TMEM132B: variants seen among roughly 807,000 people sequenced by gnomAD.
TMEM132B encodes transmembrane protein 132B.
A neutral mutation model predicts 90.8 loss-of-function variants in TMEM132B; 18 were observed. That is an observed-to-expected ratio of 0.20 (90% CI 0.14 to 0.29). TMEM132B has a LOEUF of 0.29. Among genes scored for constraint, TMEM132B ranks in the 10% least tolerant of loss-of-function variants. TMEM132B has a pLI of 1.00. For missense variants in TMEM132B, 1,096 were observed against 1,326.8 expected, an observed-to-expected ratio of 0.83 and a Z score of 2.70; for synonymous variants, 504 against 523.3, an observed-to-expected ratio of 0.96 and a Z score of 0.50.
chr12:125,380,075 A>G (rs566278197), intron 2 of TMEM132B, among the ~76,000 whole-genome samples: 2 of 152,238 alleles, frequency 1.3e-5, no homozygotes, highest in African/African-American at 2.4e-5. Flanking sequence ...ACAAATTGCC[A>G]CAAACTTGAT....
Position 125,458,124 on chromosome 12 carries a change from G to A in TMEM132B, c.1106+42447G>A, listed in dbSNP as rs1023276375. Among the ~76,000 whole-genome samples the A allele has an allele frequency of 6.6e-6, 1 of 152,042 alleles. No homozygotes were observed. Among genetic ancestry groups the A allele is most frequent in the East Asian group, 1.9e-4 (1 of 5,170 alleles). On this transcript the variant is annotated intron_variant, in intron 3 of 8. Transcript: ENST00000682704. This position sits in a 1 kb window ranked among gnomAD's most constrained non-coding sequence, Gnocchi z 4.9. ...GAAGGCAGATTCCAGAGACAGGTCTGGCTAGAACCAGCAGGACTCAGGGAC... is the reference window on the plus strand; with the variant it reads ...GAAGGCAGATTCCAGAGACAGGTCTAGCTAGAACCAGCAGGACTCAGGGAC...
chr12:125,635,760 A>G (rs1307483505), intron 5 of TMEM132B, among the ~76,000 whole-genome samples: 5 of 152,218 alleles, frequency 3.3e-5, no homozygotes, highest in Admixed American at 3.3e-4. Flanking sequence ...TCCCACCAAC[A>G]GTGTAAAAGC....
intron 3 of TMEM132B, among the ~76,000 whole-genome samples, chr12:125,470,951 G>A (rs557919190): frequency 4.6e-5 from 7 of 152,362 alleles, no homozygotes; most frequent in East Asian, 1.9e-4. Flanking sequence ...CGGCTGCACC[G>A]AAATTACCTC....
intron 4 of TMEM132B, among the ~76,000 whole-genome samples, chr12:125,524,318 G>A (rs2136673717): frequency 6.6e-6 from 1 of 152,294 alleles, no homozygotes; most frequent in African/African-American, 2.4e-5. Context: ...CTGGCGTGTG[G>A]GATTAACAAT....
rs1325388781 is a variant in TMEM132B, at chr12:125,349,334, G to T, written c.68-118G>T. ...CAGGGCTTTCACTGTGATGAGACCT[G>T]GGGGAGAAACAGTGGCCAGTGGGCG... On this transcript the variant is annotated intron_variant, in intron 1 of 8. Transcript: ENST00000682704. The surrounding 1 kb of genome is among the most constrained non-coding windows in gnomAD (Gnocchi z 4.1). 1 of 1,108,656 alleles carries T rather than the reference G, an allele frequency of 9.0e-7. No individual in the cohort carries two copies. 68.7% of individuals were successfully genotyped at this position (1,108,656 alleles called of 1,614,324 possible). A position where few individuals can be genotyped will look rare whatever the true frequency, so the allele number is the denominator to read the frequency against.
At chr12:125,190,027 A>G (rs566828494) in intron 1 of TMEM132B, among the ~76,000 whole-genome samples, 1 of 151,998 alleles carries the variant, frequency 6.6e-6, no homozygotes, top group Non-Finnish European at 1.5e-5. Context: ...GGTGCTGCCA[A>G]CTCTTCAGCA....
At chr12:125,281,208 A>G (rs537517533) in intron 1 of TMEM132B, among the ~76,000 whole-genome samples, 2 of 152,232 alleles carry the variant, frequency 1.3e-5, no homozygotes, top group African/African-American at 4.8e-5. Flanking sequence ...AAATATGCAA[A>G]TGCGGAGTGG....
At chr12:125,420,036 C>T (rs1880126334) in intron 3 of TMEM132B, among the ~76,000 whole-genome samples, 1 of 152,212 alleles carries the variant, frequency 6.6e-6, no homozygotes. Context: ...TGTGGCTTTG[C>T]AGGGTACACC....
chr12:125,189,742 A>G (rs1957785034), intron 1 of TMEM132B, among the ~76,000 whole-genome samples: 2 of 152,116 alleles, frequency 1.3e-5, no homozygotes, highest in Non-Finnish European at 2.9e-5. Context: ...CAGAGCCAAC[A>G]ATGAGCACGG....
intron 5 of TMEM132B, among the ~76,000 whole-genome samples, chr12:125,619,645 G>A (rs546071404): frequency 1.2e-4 from 19 of 152,134 alleles, no homozygotes; most frequent in East Asian, 1.2e-3. Flanking sequence ...GATTACAGGC[G>A]TGAGCCACCA....
intron 1 of TMEM132B, among the ~76,000 whole-genome samples, chr12:125,263,812 T>A (rs1233271258): frequency 6.6e-6 from 1 of 152,190 alleles, no homozygotes; most frequent in Non-Finnish European, 1.5e-5. Context: ...GTTAATGGTT[T>A]ATGGGTGAAA....
At chr12:125,361,331 A>G (rs1180142016) in intron 2 of TMEM132B, among the ~76,000 whole-genome samples, 4 of 152,206 alleles carry the variant, frequency 2.6e-5, no homozygotes, top group African/African-American at 7.2e-5. Context: ...ACAGCCAGAA[A>G]GTGACAGAAC....
chr12:125,317,273 C>T (rs370747115), intron 1 of TMEM132B, among the ~76,000 whole-genome samples: 7 of 152,296 alleles, frequency 4.6e-5, no homozygotes, highest in African/African-American at 1.4e-4. Flanking sequence ...AGCACCTGGC[C>T]TGGAGTGCGC....
chr12:125,260,769 G>T (rs1296201039), intron 1 of TMEM132B, among the ~76,000 whole-genome samples: 2 of 152,126 alleles, frequency 1.3e-5, no homozygotes, highest in Non-Finnish European at 2.9e-5. Context: ...ATAAATAAAG[G>T]CTGGGCATAG....
intron 4 of TMEM132B, among the ~76,000 whole-genome samples, chr12:125,520,472 T>G (rs1351316149): frequency 2.0e-5 from 3 of 152,196 alleles, no homozygotes; most frequent in African/African-American, 7.2e-5. Context: ...CTTTGAACCC[T>G]ATATCTTAGA....
rs572774137 is a variant in TMEM132B at position 125,459,676 on chromosome 12, G to A, written c.1106+43999G>A. On this transcript the variant is annotated intron_variant, in intron 3 of 8. Transcript: ENST00000682704. This position sits in a 1 kb window ranked among gnomAD's most constrained non-coding sequence, Gnocchi z 4.1. ...TTAAAATAACTAGAAGAGTATAATT[G>A]GATTGTTTGTAACACAAAGGATAAA... is the stretch of plus-strand genomic sequence containing the variant. 3.5e-4 allele frequency among the ~76,000 whole-genome samples: 54 copies of A among 152,310 alleles called. No homozygotes were observed. Among genetic ancestry groups the A allele is most frequent in the African/African-American group, 1.3e-3 (54 of 41,552 alleles).
At chr12:125,638,173 T>C (rs934799791) in intron 5 of TMEM132B, among the ~76,000 whole-genome samples, 1 of 152,190 alleles carries the variant, frequency 6.6e-6, no homozygotes, top group African/African-American at 2.4e-5. Context: ...GTGGGAAACA[T>C]GCTCTGCCTT....
intron 2 of TMEM132B, among the ~76,000 whole-genome samples, chr12:125,401,905 G>A (rs530115533): frequency 1.8e-4 from 28 of 152,132 alleles, no homozygotes; most frequent in Admixed American, 9.2e-4. Context: ...CAAAATTAGG[G>A]GTTGGCAATT....
chr12:125,261,383 A>G (rs1212965957), intron 1 of TMEM132B, among the ~76,000 whole-genome samples: 6 of 152,144 alleles, frequency 3.9e-5, no homozygotes, highest in South Asian at 4.1e-4. Context: ...AGGGCCTGGG[A>G]TGGGACTGTG....
Sources: allele counts gnomAD v4.1 joint callset (sites outside exome capture counted in the v4.1 genomes callset), GRCh38; gene constraint gnomAD v4.1.1; non-coding constraint Gnocchi (gnomAD v3.1); transcripts MANE v1.5; gene names NCBI Gene and HGNC (gene_info 2026-07-23, HGNC 2026-07-21).